The following KAZN variants were observed in gnomAD, a reference collection of about 807,000 sequenced individuals.
KAZN encodes the protein kazrin, periplakin interacting protein, also known as kazrin.
Under a neutral mutation model 87.4 loss-of-function variants are expected in KAZN, and 40 were observed. The observed-to-expected ratio is 0.46, with a 90% CI of 0.36 to 0.60. The LOEUF is 0.60. Ranked by LOEUF, KAZN falls within the 20% of genes least tolerant of loss-of-function variation. The pLI is 0.00. For synonymous variants in KAZN, 466 were observed against 458.3 expected, an observed-to-expected ratio of 1.02 and a Z score of -0.22; for missense variants, 898 against 1,073.9, an observed-to-expected ratio of 0.84 and a Z score of 2.29.
At chr1:14,419,345 T>C (rs1033316772) in intron 2 of KAZN, among the ~76,000 whole-genome samples, 4 of 152,292 alleles carry the variant, frequency 2.6e-5, no homozygotes, top group African/African-American at 9.6e-5. Flanking sequence ...CCGTGATCTT[T>C]CCACCCTGCC....
chr1:14,048,395 C>CT (rs34631391), intron 1 of KAZN, among the ~76,000 whole-genome samples: 24,223 of 145,514 alleles, frequency 0.17, 2,367 homozygotes, highest in Non-Finnish European at 0.23. Flanking sequence ...TAAAATACTT[C>CT]TTTTTTTTTT....
At chr1:15,086,074 G>A (rs1329449896) in intron 8 of KAZN, among the ~76,000 whole-genome samples, 4 of 152,098 alleles carry the variant, frequency 2.6e-5, no homozygotes, top group Non-Finnish European at 5.9e-5. Context: ...GGGTTCAAGC[G>A]ATTCTCCTGC....
At chr1:14,332,536 C>G (rs954893242) in intron 2 of KAZN, among the ~76,000 whole-genome samples, 2 of 152,214 alleles carry the variant, frequency 1.3e-5, no homozygotes, top group African/African-American at 4.8e-5. Context: ...CCATTCTCAT[C>G]TAGCTCTTTT....
At chr1:13,941,960 A>G (rs1640943596) in intron 1 of KAZN, among the ~76,000 whole-genome samples, 1 of 152,224 alleles carries the variant, frequency 6.6e-6, no homozygotes, top group Non-Finnish European at 1.5e-5. Context: ...GAAGTTGAAC[A>G]GAACTCAGTA....
upstream of KAZN, among the ~76,000 whole-genome samples, chr1:14,595,379 A>G (rs889280401): frequency 2.0e-5 from 3 of 151,942 alleles, no homozygotes; most frequent in Admixed American, 6.6e-5. Flanking sequence ...AAGCCTGGGG[A>G]TAAGAAACGT....
chr1:15,014,618 G>A (rs1669896500), intron 2 of KAZN, among the ~76,000 whole-genome samples: 1 of 152,124 alleles, frequency 6.6e-6, no homozygotes, highest in South Asian at 2.1e-4. Flanking sequence ...AGCATTTGCT[G>A]GCACCCATGG....
chr1:14,204,912 G>C (rs529819), intron 2 of KAZN, among the ~76,000 whole-genome samples: 148,813 of 152,388 alleles, frequency 0.98, 72,676 homozygotes, highest in East Asian at 1. Context: ...ACTGCTGTCA[G>C]AGATAAACTG....
At chr1:15,064,390 A>C (rs1639055141) in intron 7 of KAZN, among the ~76,000 whole-genome samples, 1 of 152,170 alleles carries the variant, frequency 6.6e-6, no homozygotes, top group Admixed American at 6.5e-5. Flanking sequence ...GGAAATCCCT[A>C]AGTGTTTGGG....
intron 1 of KAZN, among the ~76,000 whole-genome samples, chr1:13,938,758 A>G (rs1640832505): frequency 6.6e-6 from 1 of 152,204 alleles, no homozygotes; most frequent in African/African-American, 2.4e-5. Flanking sequence ...GATTTTCCAT[A>G]CATCCTTTGA....
chr1:14,871,420 C>T, intron 1 of KAZN, among the ~76,000 whole-genome samples: 1 of 152,040 alleles, frequency 6.6e-6, no homozygotes, highest in East Asian at 1.9e-4. Context: ...GGATGGGCTT[C>T]CTCTTCGAAT....
intron 2 of KAZN, among the ~76,000 whole-genome samples, chr1:14,963,772 C>T (rs1048250763): frequency 6.6e-6 from 1 of 151,860 alleles, no homozygotes; most frequent in Non-Finnish European, 1.5e-5. Flanking sequence ...TAATGCTGTC[C>T]CTCCCCTTGC....
intron 1 of KAZN, among the ~76,000 whole-genome samples, chr1:14,091,437 TTGTA>T (rs1643990976): frequency 1.3e-5 from 2 of 152,108 alleles, no homozygotes; most frequent in Non-Finnish European, 2.9e-5. Flanking sequence ...GTATGTGTGC[TTGTA>T]TGTGTGTGTG....
intron 1 of KAZN, among the ~76,000 whole-genome samples, chr1:14,608,807 C>T (rs1010177380): frequency 2.0e-5 from 3 of 152,224 alleles, no homozygotes; most frequent in African/African-American, 2.4e-5. Flanking sequence ...TTCTGGTCAG[C>T]GGCAACAAAT....
chr1:14,732,422 T>G (rs1284479608), intron 1 of KAZN, among the ~76,000 whole-genome samples: 2 of 152,212 alleles, frequency 1.3e-5, no homozygotes, highest in African/African-American at 4.8e-5. Context: ...GTGTATTGCT[T>G]GAGCTCAGGA....
At chr1:14,092,910 C>G (rs1292206338) in intron 1 of KAZN, among the ~76,000 whole-genome samples, 1 of 152,182 alleles carries the variant, frequency 6.6e-6, no homozygotes, top group East Asian at 1.9e-4. Flanking sequence ...TAGGAGCTAT[C>G]TCTCTGAACT....
intron 2 of KAZN, among the ~76,000 whole-genome samples, chr1:14,244,832 A>G (rs1367088785): frequency 6.6e-6 from 1 of 152,158 alleles, no homozygotes; most frequent in African/African-American, 2.4e-5. Context: ...AAGCGTGTGC[A>G]GATTGTGTAG....
At position 14,769,403 on chromosome 1, in the gene KAZN, G is replaced by A. The variant is rs993692661; in HGVS notation, c.226+170180G>A. Among the ~76,000 whole-genome samples, 2 of 152,168 alleles carry A rather than the reference G, an allele frequency of 1.3e-5. No homozygotes were observed. The highest frequency in any genetic ancestry group is 4.8e-5 in the African/African-American group (2 of 41,432). ...GAGTCGTGCTCTCGTTGCCCAGGCT[G>A]GAGTGCGACGGCGCTATCTTGGCTC... On this transcript the variant is annotated intron_variant, in intron 1 of 14. Transcript: ENST00000376030. This position sits in a 1 kb window ranked among gnomAD's most constrained non-coding sequence, Gnocchi z 4.1.
chr1:14,842,559 A>T (rs1250327419), intron 1 of KAZN, among the ~76,000 whole-genome samples: 1 of 152,068 alleles, frequency 6.6e-6, no homozygotes, highest in African/African-American at 2.4e-5. Context: ...TTCCCACCAG[A>T]GTGTTTATAT....
At chr1:13,932,097 A>G (rs890929195) in intron 1 of KAZN, among the ~76,000 whole-genome samples, 2 of 148,966 alleles carry the variant, frequency 1.3e-5, no homozygotes, top group African/African-American at 2.5e-5. Context: ...ACCTCAAGTG[A>G]TACACCTGCC....
Sources: gnomAD v4.1 joint callset for allele counts (sites outside exome capture counted in the v4.1 genomes callset) on GRCh38, gnomAD v4.1.1 for gene constraint, Gnocchi (gnomAD v3.1) non-coding constraint, MANE v1.5 for transcripts, NCBI Gene and HGNC (gene_info 2026-07-23, HGNC 2026-07-21) for gene names.